The following ELMO1 variants were observed in gnomAD, a reference collection of about 807,000 sequenced individuals.
The protein encoded by ELMO1 is engulfment and cell motility protein 1.
Under a neutral mutation model 98.9 loss-of-function variants are expected in ELMO1, and 26 were observed. The observed-to-expected ratio is 0.26, with a 90% CI of 0.19 to 0.36. ELMO1 has a LOEUF of 0.36. Ranked by LOEUF, ELMO1 falls within the 10% of genes least tolerant of loss-of-function variation. The probability of loss-of-function intolerance (pLI) is 1.00; values close to 1 mark genes in which losing one functional copy is unlikely to be tolerated. For missense variants in ELMO1, 627 were observed against 935.2 expected (o/e 0.67, Z 4.30); for synonymous variants, 346 against 346.0 (o/e 1.00, Z 0.00).
intron 13 of ELMO1, among the ~76,000 whole-genome samples, chr7:37,158,384 G>A (rs183018718): frequency 8.6e-4 from 131 of 152,186 alleles, no homozygotes; most frequent in Non-Finnish European, 1.6e-3. Flanking sequence ...TACAGAATGG[G>A]AGAAAAATTT....
chr7:37,117,454 G>C (rs1785678156), intron 14 of ELMO1, among the ~76,000 whole-genome samples: 1 of 152,128 alleles, frequency 6.6e-6, no homozygotes, highest in Admixed American at 6.5e-5. Context: ...CCCTCCCTGG[G>C]ACAAGGGGTC....
intron 1 of ELMO1, among the ~76,000 whole-genome samples, chr7:37,394,917 G>C (rs945852112): frequency 6.6e-6 from 1 of 152,138 alleles, no homozygotes; most frequent in South Asian, 2.1e-4. Context: ...ATGTTTCAAG[G>C]TCAAAGTTTG....
intron 13 of ELMO1, among the ~76,000 whole-genome samples, 193 bp from the exon 14 acceptor site, chr7:37,133,427 C>G (rs1238015434): frequency 6.6e-6 from 1 of 152,110 alleles, no homozygotes; most frequent in African/African-American, 2.4e-5. Context: ...CTCCTCAGGA[C>G]AGCAAAACCA....
intron 1 of ELMO1, among the ~76,000 whole-genome samples, chr7:37,370,900 C>A (rs111386120): frequency 0.013 from 1,932 of 152,230 alleles, 20 homozygotes; most frequent in Middle Eastern, 0.02. Flanking sequence ...AACACAGCAT[C>A]TCCTCTCCTG....
At chr7:37,115,586 A>T (rs1057454225) in intron 14 of ELMO1, among the ~76,000 whole-genome samples, 3 of 152,210 alleles carry the variant, frequency 2.0e-5, no homozygotes, top group Non-Finnish European at 4.4e-5. Context: ...AACTAAGAAT[A>T]GAGCAGTTCC....
chr7:37,151,345 C>A (rs980696163), intron 13 of ELMO1, among the ~76,000 whole-genome samples: 1 of 152,142 alleles, frequency 6.6e-6, no homozygotes, highest in Admixed American at 6.5e-5. Context: ...CTTCACAGTT[C>A]GTCAGGGGGA....
At chr7:36,893,799 T>A (rs1415368021) in intron 17 of ELMO1, among the ~76,000 whole-genome samples, 1 of 152,078 alleles carries the variant, frequency 6.6e-6, no homozygotes, top group African/African-American at 2.4e-5. Context: ...AGCCTTTGCA[T>A]GGGAGTAAGG....
intron 16 of ELMO1, among the ~76,000 whole-genome samples, chr7:37,001,333 G>T (rs1792657104): frequency 6.6e-6 from 1 of 152,154 alleles, no homozygotes; most frequent in Non-Finnish European, 1.5e-5. Context: ...TTACTGGTCA[G>T]GTGGACCATT....
intron 13 of ELMO1, among the ~76,000 whole-genome samples, chr7:37,149,355 A>G (rs746407376): frequency 1.2e-4 from 19 of 152,238 alleles, no homozygotes; most frequent in Non-Finnish European, 2.4e-4. Context: ...AGGAGCCAAC[A>G]CATACATAGC....
At chr7:37,406,596 A>AT (rs1803775951) in intron 1 of ELMO1, among the ~76,000 whole-genome samples, 1 of 151,442 alleles carries the variant, frequency 6.6e-6, no homozygotes, top group South Asian at 2.1e-4. Context: ...CGCCCGGATA[A>AT]TTTTTTTGTA....
At chr7:37,223,026 A>C (rs867172662) in intron 9 of ELMO1, among the ~76,000 whole-genome samples, 1 of 152,174 alleles carries the variant, frequency 6.6e-6, no homozygotes, top group Non-Finnish European at 1.5e-5. Flanking sequence ...GTATGTCTGT[A>C]TGTATGTATG....
intron 16 of ELMO1, among the ~76,000 whole-genome samples, chr7:36,951,415 C>T (rs955501798): frequency 2.6e-5 from 4 of 152,214 alleles, no homozygotes; most frequent in Non-Finnish European, 4.4e-5. Context: ...TGTTTTTGCT[C>T]ATCTGGACCC....
intron 13 of ELMO1, among the ~76,000 whole-genome samples, chr7:37,192,485 A>C (rs1425156153): frequency 7.7e-6 from 1 of 129,738 alleles, no homozygotes; most frequent in Non-Finnish European, 1.6e-5. Flanking sequence ...GCAACAGAGC[A>C]AGACTCCATC....
Position 36,937,106 on chromosome 7 carries a change from C to T in ELMO1, c.1438-42089G>A, listed in dbSNP as rs182238615. Reference sequence around the variant, plus strand: ...ACTATATTCAACAAATCTTTAGCACCGGTTATGGTTTTAATTTTGCTCCCC... The same window carrying T: ...ACTATATTCAACAAATCTTTAGCACTGGTTATGGTTTTAATTTTGCTCCCC... On this transcript the variant is annotated intron_variant, in intron 16 of 21. Transcript: ENST00000310758. Among the ~76,000 whole-genome samples the T allele has an allele frequency of 1.1e-4, 16 of 152,200 alleles. 1 individual carries two copies. The highest frequency in any genetic ancestry group is 7.2e-4 in the Admixed American group (11 of 15,284).
At chr7:37,320,014 G>C (rs944144303) in intron 2 of ELMO1, among the ~76,000 whole-genome samples, 4 of 152,214 alleles carry the variant, frequency 2.6e-5, no homozygotes, top group African/African-American at 9.7e-5. Context: ...CCAGCACTTT[G>C]GGAGGCGGAG....
chr7:37,021,062 A>C (rs773647907), intron 15 of ELMO1, among the ~76,000 whole-genome samples: 38 of 152,238 alleles, frequency 2.5e-4, no homozygotes, highest in Non-Finnish European at 4.7e-4. Flanking sequence ...GAAAACTTTG[A>C]GTTTTCTATT....
intron 16 of ELMO1, among the ~76,000 whole-genome samples, chr7:36,995,776 T>C (rs577756829): frequency 6.6e-6 from 1 of 152,230 alleles, no homozygotes; most frequent in Non-Finnish European, 1.5e-5. Flanking sequence ...AACATCTATA[T>C]GCACATCTTT....
At chr7:36,918,260 T>A (rs995607247) in intron 16 of ELMO1, among the ~76,000 whole-genome samples, 2 of 152,196 alleles carry the variant, frequency 1.3e-5, no homozygotes, top group Admixed American at 1.3e-4. Context: ...GTTGAGTTCT[T>A]GTACAGATTA....
chr7:37,036,370 T>A (rs1449270526), intron 15 of ELMO1, among the ~76,000 whole-genome samples: 1 of 152,034 alleles, frequency 6.6e-6, no homozygotes, highest in East Asian at 1.9e-4. Flanking sequence ...TGTTACTAAT[T>A]TATTTATTTA....
Sources: allele counts gnomAD v4.1 joint callset (sites outside exome capture counted in the v4.1 genomes callset), GRCh38; gene constraint gnomAD v4.1.1; transcripts MANE v1.5; gene names NCBI Gene and HGNC (gene_info 2026-07-23, HGNC 2026-07-21).